Variants in CASP5 observed in about 807,000 individuals in gnomAD.
CASP5 encodes the protein caspase 5.
In CASP5, 42 loss-of-function variants were observed where a neutral mutation model predicts 45.2. The ratio of observed to expected loss-of-function variants is 0.93; its 90% confidence interval spans 0.73 to 1.20. The LOEUF (loss-of-function observed/expected upper bound fraction) is 1.20, where lower values mean the gene tolerates loss of function less well. Among genes scored for constraint, CASP5 ranks in the 50% most tolerant of loss-of-function variants. CASP5 has a pLI of 0.00. For missense variants in CASP5, 512 were observed against 532.2 expected (o/e 0.96, Z 0.37); for synonymous variants, 209 against 186.2 (o/e 1.12, Z -1.00).
rs757545547 is a variant in CASP5 at position 104,997,394 on chromosome 11, T to C, written c.1195A>G (p.Ile399Val). The C allele has an allele frequency of 1.2e-6, 2 of 1,604,694 alleles. No homozygotes were observed. Among genetic ancestry groups the C allele is most frequent in the Non-Finnish European group, 1.7e-6 (2 of 1,171,550 alleles). Residue 399 changes from isoleucine (I) to valine (V), a missense_variant, in exon 8 of 10, where the codon ATA becomes GTA. Coordinates refer to ENST00000260315, the MANE Select transcript of CASP5 (RefSeq NM_004347.5). ...KYSCCCHLME[I>V]FRKVQKSFEV... Reference sequence around the variant, plus strand: ...AAATGGAAGCTTACCTTCCGAAATATTTCCATTAGGTGGCAGCAGCAAGAA... The same window carrying C: ...AAATGGAAGCTTACCTTCCGAAATACTTCCATTAGGTGGCAGCAGCAAGAA...
intron 1 of CASP5, among the ~76,000 whole-genome samples, chr11:105,009,746 T>C (rs867641984): frequency 0.052 from 3,460 of 65,926 alleles, 303 homozygotes; most frequent in African/African-American, 0.19. Flanking sequence ...TATATATATA[T>C]ATATATATAT....
At chr11:105,011,710 T>A (rs1388273191) in intron 1 of CASP5, among the ~76,000 whole-genome samples, 3 of 151,606 alleles carry the variant, frequency 2.0e-5, no homozygotes, top group African/African-American at 7.3e-5. Context: ...AAAAATTTCA[T>A]GAAATAATAA....
intron 3 of CASP5, 60 bp from the exon 4 acceptor site, chr11:105,003,443 T>A: frequency 2.3e-6 from 2 of 863,722 alleles, no homozygotes; most frequent in Non-Finnish European, 3.7e-6. Flanking sequence ...ATTTATCACC[T>A]AAGAACTTTG....
In CASP5 at chr11:104,995,491, A is replaced by G. The variant is rs557331490; in HGVS notation, c.*4+249T>C. On this transcript the variant is annotated intron_variant, in intron 9 of 9. Coordinates refer to ENST00000260315, the MANE Select transcript of CASP5 (RefSeq NM_004347.5). ...TTTGTACATTATTATTTTAATAATT[A>G]CTAACCTAGGACTTTCATTGTGTAT... Among the ~76,000 whole-genome samples, 3 of 152,322 alleles carry G rather than the reference A, an allele frequency of 2.0e-5. No homozygotes were observed. In the South Asian group the frequency reaches 6.2e-4, roughly 32 times the overall value.
At chr11:105,000,609 C>A (rs549131660) in intron 5 of CASP5, 114 bp from the exon 6 acceptor site, 28 of 909,806 alleles carry the variant, frequency 3.1e-5, no homozygotes, top group African/African-American at 2.7e-4. Flanking sequence ...CGTGGTGCTT[C>A]ACATAGCGCT....
At chr11:104,996,114 G>A (rs570055125) in intron 8 of CASP5, among the ~76,000 whole-genome samples, 2 of 152,278 alleles carry the variant, frequency 1.3e-5, no homozygotes, top group African/African-American at 2.4e-5. Context: ...ACCTACGGAT[G>A]TGGAAATCAA....
chr11:105,004,725 G>A (rs1446472065), intron 3 of CASP5, among the ~76,000 whole-genome samples: 2 of 152,094 alleles, frequency 1.3e-5, no homozygotes, highest in African/African-American at 2.4e-5. Flanking sequence ...AAAAGCGTGA[G>A]TTCTGGGAAT....
intron 6 of CASP5, among the ~76,000 whole-genome samples, chr11:104,999,379 T>C (rs1437898912): frequency 6.6e-6 from 1 of 152,218 alleles, no homozygotes; most frequent in Non-Finnish European, 1.5e-5. Flanking sequence ...GCAAAGGACA[T>C]GATCTCATTC....
At chr11:105,003,471 A>G in intron 3 of CASP5, 88 bp from the exon 4 acceptor site, 3 of 674,340 alleles carry the variant, frequency 4.4e-6, no homozygotes, top group Non-Finnish European at 7.5e-6. Flanking sequence ...GAGAGAGAGA[A>G]ATCCTAGGAA....
At chr11:105,007,985 T>C (rs1030843182) in intron 2 of CASP5, among the ~76,000 whole-genome samples, 3 of 152,140 alleles carry the variant, frequency 2.0e-5, no homozygotes, top group African/African-American at 7.2e-5. Flanking sequence ...ATATCATAAC[T>C]ACTCTAGCAT....
intron 1 of CASP5, among the ~76,000 whole-genome samples, chr11:105,018,325 A>C (rs1173071372): frequency 1.3e-5 from 2 of 151,574 alleles, no homozygotes; most frequent in Non-Finnish European, 3.0e-5. Context: ...TTAAATGTAA[A>C]TGGACTAAAT....
chr11:105,017,029 AC>A (rs1280585128), intron 1 of CASP5, among the ~76,000 whole-genome samples: 1 of 151,252 alleles, frequency 6.6e-6, no homozygotes, highest in African/African-American at 2.5e-5. Flanking sequence ...ACTGGGAGGC[AC>A]CCCCCAGCAG....
intron 1 of CASP5, among the ~76,000 whole-genome samples, chr11:105,016,850 G>A (rs1419600548): frequency 2.0e-5 from 3 of 151,780 alleles, no homozygotes; most frequent in Admixed American, 1.3e-4. Context: ...ACCTCTGGGG[G>A]CAGGGCACAG....
Position 104,999,370 on chromosome 11 carries a change from C to G in CASP5, c.953-342G>C, listed in dbSNP as rs535175391. Among the ~76,000 whole-genome samples, 4 of 152,290 alleles carry G rather than the reference C, an allele frequency of 2.6e-5. No individual in the cohort carries two copies. In the South Asian group the frequency reaches 8.3e-4, roughly 32 times the overall value. On this transcript the variant is annotated intron_variant, in intron 6 of 9. Transcript: ENST00000260315. ...GCTTCCAGCTTCATTCATGTCCCTGCAAAGGACATGATCTCATTCCTTTTA... is the reference window on the plus strand; with the variant it reads ...GCTTCCAGCTTCATTCATGTCCCTGGAAAGGACATGATCTCATTCCTTTTA...
At chr11:105,018,336 G>A (rs1011024005) in intron 1 of CASP5, among the ~76,000 whole-genome samples, 27 of 151,718 alleles carry the variant, frequency 1.8e-4, no homozygotes, top group Non-Finnish European at 3.1e-4. Context: ...TGGACTAAAT[G>A]CTCCAATTAA....
chr11:105,008,992 A>G lies in CASP5; in HGVS notation c.8-12T>C. ...TTTGCCACTGTCTTCTATCAGAAAT[A>G]TAAAGACTCCTTCAACTCTGGGCAC... is the stretch of plus-strand genomic sequence containing the variant. On this transcript the variant is annotated splice_polypyrimidine_tract_variant and intron_variant, in intron 1 of 9. Coordinates refer to ENST00000260315, the MANE Select transcript of CASP5 (RefSeq NM_004347.5). 1 of 1,611,500 alleles carries G rather than the reference A, an allele frequency of 6.2e-7. No individual in the cohort carries two copies. The highest frequency in any genetic ancestry group is 1.1e-5 in the South Asian group (1 of 90,980).
intron 3 of CASP5, among the ~76,000 whole-genome samples, chr11:105,005,334 G>A (rs1340030808): frequency 6.8e-6 from 1 of 147,940 alleles, no homozygotes; most frequent in African/African-American, 2.5e-5. Flanking sequence ...TCAGATCATC[G>A]GTATATAGTG....
chr11:105,018,747 G>A (rs1438632087), intron 1 of CASP5, among the ~76,000 whole-genome samples: 13 of 143,874 alleles, frequency 9.0e-5, no homozygotes, highest in South Asian at 6.9e-4. Flanking sequence ...ACAGATCAGC[G>A]AGACAGAAAG....
rs146793932 is a variant in CASP5, at chr11:105,016,032, T to C, written c.8-7052A>G. Among the ~76,000 whole-genome samples, 3 of 152,332 alleles carry C rather than the reference T, an allele frequency of 2.0e-5. No homozygotes were observed. In the East Asian group the frequency reaches 5.8e-4, roughly 29 times the overall value. On this transcript the variant is annotated intron_variant, in intron 1 of 9. Coordinates refer to ENST00000260315, the MANE Select transcript of CASP5 (RefSeq NM_004347.5). The stretch of plus-strand genomic sequence containing the variant: ...CTAAAACACTATCTGAAAGTTTAGA[T>C]ATTTTTAAAAAGGCAATAGGGAGCC...
Sources: gnomAD v4.1 joint callset for allele counts (sites outside exome capture counted in the v4.1 genomes callset) on GRCh38, gnomAD v4.1.1 for gene constraint, MANE v1.5 for transcripts, NCBI Gene and HGNC (gene_info 2026-07-23, HGNC 2026-07-21) for gene names.